SLC25A17: variants seen among roughly 807,000 people sequenced by gnomAD.
The protein encoded by SLC25A17 is solute carrier family 25 member 17.
A neutral mutation model predicts 38.5 loss-of-function variants in SLC25A17; 26 were observed. That is an observed-to-expected ratio of 0.68 (90% confidence interval 0.50 to 0.94). SLC25A17 has a LOEUF of 0.94. Ranked by LOEUF, SLC25A17 falls within the 40% of genes least tolerant of loss-of-function variation. SLC25A17 has a pLI of 0.00. For synonymous variants in SLC25A17, 139 were observed against 136.2 expected (o/e 1.02, Z -0.14); for missense variants, 333 against 372.7 (o/e 0.89, Z 0.88).
At chr22:40,778,030 T>C (rs1448613527) in intron 5 of SLC25A17, among the ~76,000 whole-genome samples, 1 of 152,162 alleles carries the variant, frequency 6.6e-6, no homozygotes, top group Non-Finnish European at 1.5e-5. Context: ...CAAGAAAAGA[T>C]AAGATCGTTT....
chr22:40,783,088 A>T (rs927583229), intron 4 of SLC25A17, among the ~76,000 whole-genome samples: 2 of 152,354 alleles, frequency 1.3e-5, no homozygotes, highest in African/African-American at 4.8e-5. Flanking sequence ...ATATTAAGAT[A>T]TAAAAACTTG....
intron 1 of SLC25A17, among the ~76,000 whole-genome samples, chr22:40,807,084 T>G (rs1043435752): frequency 3.9e-5 from 6 of 152,194 alleles, no homozygotes; most frequent in African/African-American, 1.4e-4. Flanking sequence ...AATTCTTCAT[T>G]CCTTTTTATA....
chr22:40,808,517 T>G (rs566839555), intron 1 of SLC25A17, among the ~76,000 whole-genome samples: 142 of 152,352 alleles, frequency 9.3e-4, no homozygotes, highest in African/African-American at 3.3e-3. Flanking sequence ...TCTTTTCCAC[T>G]TATAAAAGTG....
intron 1 of SLC25A17, among the ~76,000 whole-genome samples, chr22:40,801,125 TTACATATATATATATATATATATATATA>T (rs1184552304): frequency 1.0e-4 from 5 of 49,518 alleles, no homozygotes; most frequent in Admixed American, 6.6e-4. Context: ...AAAAAATATA[TTACATATATATATATATATATATATATA>T]TATATATATA....
At chr22:40,809,113 T>C (rs1227279389) in intron 1 of SLC25A17, among the ~76,000 whole-genome samples, 1 of 152,206 alleles carries the variant, frequency 6.6e-6, no homozygotes, top group Non-Finnish European at 1.5e-5. Flanking sequence ...TACCTTTTTT[T>C]TTTTGTAGAG....
chr22:40,782,774 A>G (rs2057306047), intron 4 of SLC25A17, among the ~76,000 whole-genome samples: 1 of 152,250 alleles, frequency 6.6e-6, no homozygotes, highest in South Asian at 2.1e-4. Context: ...AACTATCACA[A>G]CAATGATAAT....
chr22:40,805,189 G>C (rs983239835), intron 1 of SLC25A17, among the ~76,000 whole-genome samples: 1 of 152,168 alleles, frequency 6.6e-6, no homozygotes, highest in African/African-American at 2.4e-5. Context: ...ACAAAAATTA[G>C]CTGGGAGTAG....
At chr22:40,791,696 T>C (rs982964360) in intron 4 of SLC25A17, among the ~76,000 whole-genome samples, 16 of 152,152 alleles carry the variant, frequency 1.1e-4, no homozygotes, top group Admixed American at 3.3e-4. Context: ...CAGTGAGATA[T>C]CACCTCATAC....
chr22:40,798,649 G>C (rs997712236), intron 2 of SLC25A17, among the ~76,000 whole-genome samples: 5 of 76,626 alleles, frequency 6.5e-5, no homozygotes, highest in Non-Finnish European at 9.8e-5. Flanking sequence ...AAAAATAAAA[G>C]CACACATACA....
chr22:40,772,105 G>C (rs1425696474), intron 8 of SLC25A17, among the ~76,000 whole-genome samples: 1 of 151,422 alleles, frequency 6.6e-6, no homozygotes, highest in Non-Finnish European at 1.5e-5. Flanking sequence ...TAAATACCCT[G>C]AAGTGGATGG....
At chr22:40,773,575 C>T (rs1315933446) in intron 8 of SLC25A17, among the ~76,000 whole-genome samples, 2 of 152,196 alleles carry the variant, frequency 1.3e-5, no homozygotes, top group South Asian at 2.1e-4. Context: ...ACTGCCCCCT[C>T]CCTTCTCCAG....
At position 40,774,287 on chromosome 22, in the gene SLC25A17, A is replaced by C. The variant is rs557223351; in HGVS notation, c.694-268T>G. ...CACCCAGGCTGGAGTGCAATGGCAC[A>C]ATTTTGGCTCACTGCAACCTCCACC... On this transcript the variant is annotated intron_variant, in intron 7 of 8. Coordinates refer to ENST00000435456, the MANE Select transcript of SLC25A17 (RefSeq NM_006358.4). 7.7e-4 allele frequency among the ~76,000 whole-genome samples: 117 copies of C among 151,270 alleles called. 1 individual carries two copies. Among genetic ancestry groups the C allele is most frequent in the African/African-American group, 2.7e-3 (112 of 41,166 alleles).
chr22:40,783,825 C>G (rs925837738), intron 4 of SLC25A17, among the ~76,000 whole-genome samples: 3 of 152,152 alleles, frequency 2.0e-5, no homozygotes, highest in African/African-American at 7.2e-5. Context: ...CCTACCTCAG[C>G]CTCCCAAGTA....
chr22:40,777,106 A>G lies in SLC25A17; in HGVS notation c.627T>C (p.Gly209=). 1.2e-6 allele frequency: 2 copies of G among 1,614,202 alleles called. No homozygotes were observed. Among genetic ancestry groups the G allele is most frequent in the Non-Finnish European group, 8.5e-7 (1 of 1,180,046 alleles). Residue 209 remains glycine (G), a synonymous_variant, in exon 7 of 9, where the codon GGT becomes GGC. Coordinates refer to ENST00000435456, the MANE Select transcript of SLC25A17 (RefSeq NM_006358.4). ...TGGTGGCAATCGCTTTGGCTACTGC[A>G]CCAATGATGAACACATCCAAGGAAG... The part of the protein sequence containing the change: ...KLSSLDVFII[G]AVAKAIATTV...
At chr22:40,795,811 G>A (rs572132411) in intron 2 of SLC25A17, among the ~76,000 whole-genome samples, 11 of 151,416 alleles carry the variant, frequency 7.3e-5, no homozygotes, top group East Asian at 3.9e-4. Flanking sequence ...TTTTTGAGAC[G>A]GAGTCTCGCT....
intron 2 of SLC25A17, chr22:40,797,332 C>G (rs1569408489): frequency 7.7e-7 from 1 of 1,300,306 alleles, no homozygotes; most frequent in Non-Finnish European, 1.0e-6. Context: ...TCAACTTGAA[C>G]AAATCTGAGG....
chr22:40,773,251 A>T (rs915192515), intron 8 of SLC25A17, among the ~76,000 whole-genome samples: 1 of 151,990 alleles, frequency 6.6e-6, no homozygotes, highest in Non-Finnish European at 1.5e-5. Flanking sequence ...CTACTAAAAA[A>T]TACAAAAAAT....
chr22:40,804,762 C>T (rs1420808088), intron 1 of SLC25A17, among the ~76,000 whole-genome samples: 5 of 152,144 alleles, frequency 3.3e-5, no homozygotes, highest in Non-Finnish European at 5.9e-5. Flanking sequence ...GGTTGACATG[C>T]AGGAGAGCCT....
chr22:40,783,950 C>T lies in SLC25A17; in HGVS notation c.335-4825G>A, dbSNP rs542669888. Among the ~76,000 whole-genome samples the T allele has an allele frequency of 2.6e-5, 4 of 152,306 alleles. No individual in the cohort carries two copies. The South Asian group carries it at 8.3e-4, about 32-fold the overall frequency. ...CAAACTCCTGACCTCGGTAATCCAC[C>T]TGCCTCGGCCTCTCAAAGTGTTGGG... On this transcript the variant is annotated intron_variant, in intron 4 of 8. Transcript: ENST00000435456.
Sources: allele counts gnomAD v4.1 joint callset (sites outside exome capture counted in the v4.1 genomes callset), GRCh38; gene constraint gnomAD v4.1.1; transcripts MANE v1.5; gene names NCBI Gene and HGNC (gene_info 2026-07-23, HGNC 2026-07-21).